The following CSNK1E variants were observed in gnomAD, a reference collection of about 807,000 sequenced individuals.
CSNK1E encodes the protein casein kinase 1 epsilon.
CSNK1E carries 17 observed loss-of-function variants against 46.1 expected under a neutral mutation model. The ratio of observed to expected loss-of-function variants is 0.37; its 90% CI spans 0.25 to 0.55. The LOEUF is 0.55. Ranked by LOEUF, CSNK1E falls within the 20% of genes least tolerant of loss-of-function variation. CSNK1E has a pLI of 0.82. For missense variants in CSNK1E, 386 were observed against 595.4 expected (o/e 0.65, Z 3.66); for synonymous variants, 241 against 242.6 (o/e 0.99, Z 0.06).
Position 38,291,557 on chromosome 22 carries a change from A to G in CSNK1E, c.*414T>C, listed in dbSNP as rs2092610798. ...CGGTGGGAACTGCCTTCAACTGACT[A>G]CACCACTCCCTGATGATGCTTGAGG... is the stretch of plus-strand genomic sequence containing the variant. On this transcript the variant is annotated 3_prime_UTR_variant, in exon 11 of 11. Transcript: ENST00000396832. 2 of 152,072 alleles carry G rather than the reference A, an allele frequency of 1.3e-5. No individual in the cohort carries two copies. The highest frequency in any genetic ancestry group is 4.8e-5 in the African/African-American group (2 of 41,338). 9.4% of individuals were successfully genotyped at this position (152,072 alleles called of 1,614,324 possible).
At chr22:38,316,410 C>T (rs2092746194) in intron 1 of CSNK1E, among the ~76,000 whole-genome samples, 1 of 152,116 alleles carries the variant, frequency 6.6e-6, no homozygotes, top group South Asian at 2.1e-4. Flanking sequence ...GAGGCTATGC[C>T]AGGAAGAAAA....
chr22:38,299,757 C>T (rs530410393), intron 6 of CSNK1E, 138 bp downstream of exon 6: 3 of 905,866 alleles, frequency 3.3e-6, no homozygotes, highest in African/African-American at 3.3e-5. Context: ...ATCCACCTGC[C>T]TTGGCCTCCC....
At chr22:38,314,220 G>A (rs753274949) in intron 1 of CSNK1E, 51 bp from the exon 2 acceptor site, 90 of 1,475,120 alleles carry the variant, frequency 6.1e-5, no homozygotes, top group Non-Finnish European at 8.3e-5. Context: ...AGCCGGGAAA[G>A]GGGTCCAGTC....
chr22:38,315,111 G>A (rs888117813), intron 1 of CSNK1E, among the ~76,000 whole-genome samples: 4 of 152,196 alleles, frequency 2.6e-5, no homozygotes, highest in Admixed American at 2.0e-4. Context: ...CAGAGGCCAT[G>A]CCACCTGTCC....
At chr22:38,315,971 A>G (rs980370467) in intron 1 of CSNK1E, among the ~76,000 whole-genome samples, 1 of 151,948 alleles carries the variant, frequency 6.6e-6, no homozygotes, top group African/African-American at 2.4e-5. Flanking sequence ...CCAACACCCC[A>G]GGGGTCCAAG....
At chr22:38,295,399 G>A (rs2092635063) in intron 7 of CSNK1E, 8 of 984,918 alleles carry the variant, frequency 8.1e-6, no homozygotes, top group Non-Finnish European at 9.6e-6. Flanking sequence ...AGTTCATCCT[G>A]GGGCCGTCCA....
chr22:38,296,940 A>C lies in CSNK1E; in HGVS notation c.885+1846T>G, dbSNP rs1174513454. 3 of 608,860 alleles carry C rather than the reference A, an allele frequency of 4.9e-6. No individual in the cohort carries two copies. The East Asian group carries it at 8.4e-5, about 17-fold the overall frequency. 37.7% of individuals were successfully genotyped at this position (608,860 alleles called of 1,614,324 possible). A position where few individuals can be genotyped will look rare whatever the true frequency, so the allele number is the denominator to read the frequency against. On this transcript the variant is annotated intron_variant, in intron 7 of 10. Transcript: ENST00000396832. Reference sequence around the variant, plus strand: ...CAGGAACACACCACCATGCCCAGCTAATTTTTGTGTTTTTAGTAGAAATGG... The same window carrying C: ...CAGGAACACACCACCATGCCCAGCTCATTTTTGTGTTTTTAGTAGAAATGG...
At chr22:38,314,565 C>T (rs139028805) in intron 1 of CSNK1E, among the ~76,000 whole-genome samples, 207 of 152,364 alleles carry the variant, frequency 1.4e-3, no homozygotes, top group Non-Finnish European at 2.0e-3. Flanking sequence ...GTGCCCAGCA[C>T]GCCTTGCAGG....
intron 7 of CSNK1E, chr22:38,296,382 G>C: frequency 2.1e-6 from 3 of 1,400,006 alleles, no homozygotes; most frequent in Non-Finnish European, 2.8e-6. Context: ...CCAGGCCCCA[G>C]GGATCCACAG....
chr22:38,293,603 G>T (rs1309437718), intron 9 of CSNK1E, among the ~76,000 whole-genome samples: 1 of 152,030 alleles, frequency 6.6e-6, no homozygotes, highest in Non-Finnish European at 1.5e-5. Context: ...CTCCCTCCTC[G>T]CCCACAGGCA....
rs1207004369 is a variant in CSNK1E, at chr22:38,294,916, G to A, written c.886-382C>T. Among the ~76,000 whole-genome samples the A allele has an allele frequency of 6.6e-6, 1 of 152,180 alleles. No individual in the cohort carries two copies. Among genetic ancestry groups the A allele is most frequent in the Non-Finnish European group, 1.5e-5 (1 of 68,036 alleles). ...TACCAAGAGCCCTTAACTACTCAAG[G>A]TTGCTAAACCGAGCAGGAAAGCTGT... On this transcript the variant is annotated intron_variant, in intron 7 of 10. Transcript: ENST00000396832. The surrounding 1 kb of genome is among the most constrained non-coding windows in gnomAD (Gnocchi z 5.5).
intron 2 of CSNK1E, among the ~76,000 whole-genome samples, chr22:38,307,928 G>A (rs2092705455): frequency 1.3e-5 from 2 of 152,118 alleles, no homozygotes; most frequent in Admixed American, 1.3e-4. Flanking sequence ...GGGCTCAAGT[G>A]ATTCACCTGC....
intron 2 of CSNK1E, among the ~76,000 whole-genome samples, chr22:38,308,999 C>T (rs1352830535): frequency 1.3e-5 from 2 of 152,176 alleles, no homozygotes; most frequent in Non-Finnish European, 2.9e-5. Context: ...ATCTCTCAAC[C>T]GTGGCACTAC....
chr22:38,298,164 T>TGGGGCTGTCAC lies in CSNK1E; in HGVS notation c.885+611_885+621dup, dbSNP rs1272158597. 1.5e-6 allele frequency: 2 copies of TGGGGCTGTCAC among 1,302,776 alleles called. No homozygotes were observed. The highest frequency in any genetic ancestry group is 3.0e-5 in the African/African-American group (2 of 65,848). The allele number at this position is 1,302,776 out of a possible 1,614,324, so 80.7% of individuals were successfully genotyped here. ...GGACAGAAAGGTCCCTTCGCTGTCA[T>TGGGGCTGTCAC]GGGGCTGTCACGGGGCTGAGCCTGG... is the stretch of plus-strand genomic sequence containing the variant. On this transcript the variant is annotated intron_variant, in intron 7 of 10. Transcript: ENST00000396832. The surrounding 1 kb of genome is among the most constrained non-coding windows in gnomAD (Gnocchi z 4.2).
intron 10 of CSNK1E, 77 bp downstream of exon 10, chr22:38,293,178 A>C: frequency 8.6e-7 from 1 of 1,160,226 alleles, no homozygotes; most frequent in Non-Finnish European, 1.3e-6. Context: ...CCTCCACAAC[A>C]CATTGGTCTC....
At chr22:38,304,757 C>T (rs919165930) in intron 2 of CSNK1E, among the ~76,000 whole-genome samples, 10 of 152,126 alleles carry the variant, frequency 6.6e-5, no homozygotes, top group African/African-American at 2.2e-4. Context: ...TGCCTCCATG[C>T]GGCGGAATAT....
In CSNK1E at chr22:38,300,751, C is replaced by T. The variant is rs2092667638; in HGVS notation, c.538G>A (p.Ala180Thr). Residue 180 changes from alanine (A) to threonine (T), a missense_variant, in exon 5 of 11, where the codon GCT (alanine) becomes ACT (threonine). Ala to Thr is a moderately conservative substitution (Grantham distance 58). Around this residue, in one of 2 missense-constraint regions of CSNK1E, gnomAD observed 212 missense variants for 410.2 expected, o/e 0.52. Coordinates refer to ENST00000396832, the MANE Select transcript of CSNK1E (RefSeq NM_152221.3). The surrounding 1 kb of genome is among the most constrained non-coding windows in gnomAD (Gnocchi z 4.4). ...NKNLTGTARY[A>T]SINTHLGIEQ... ...ATGCCCAGGTGCGTGTTGATGGAAG[C>T]GTAGCGGGCCGTGCCGGTCAGGTTC... 5.0e-6 allele frequency: 8 copies of T among 1,614,156 alleles called. No homozygotes were observed. The highest frequency in any genetic ancestry group is 1.3e-5 in the African/African-American group (1 of 75,044).
chr22:38,298,221 T>C lies in CSNK1E; in HGVS notation c.885+565A>G, dbSNP rs1454344932. On this transcript the variant is annotated intron_variant, in intron 7 of 10. Coordinates refer to ENST00000396832, the MANE Select transcript of CSNK1E (RefSeq NM_152221.3). The surrounding 1 kb of genome is among the most constrained non-coding windows in gnomAD (Gnocchi z 4.2). ...GAAGCCCCCTTTTCCAGAAGAGATG[T>C]GAAACAAGACATACAATTTCACAGA... is the stretch of plus-strand genomic sequence containing the variant. 6.9e-6 allele frequency: 9 copies of C among 1,302,284 alleles called. No homozygotes were observed. In the African/African-American group the frequency reaches 9.1e-5, roughly 13 times the overall value. 80.7% of individuals were successfully genotyped at this position (1,302,284 alleles called of 1,614,324 possible).
chr22:38,299,045 T>C (rs964403207), intron 6 of CSNK1E, 111 bp from the exon 7 acceptor site: 1 of 1,265,026 alleles, frequency 7.9e-7, no homozygotes, highest in Non-Finnish European at 1.1e-6. Context: ...TTCCAATCTG[T>C]GAGAGGCAAG....
Sources: allele counts gnomAD v4.1 joint callset (sites outside exome capture counted in the v4.1 genomes callset), GRCh38; gene constraint gnomAD v4.1.1; regional missense constraint gnomAD v4.1.1; non-coding constraint Gnocchi (gnomAD v3.1); transcripts MANE v1.5; gene names NCBI Gene and HGNC (gene_info 2026-07-23, HGNC 2026-07-21).